SYNE2: variants seen among roughly 807,000 people sequenced by gnomAD.
SYNE2 encodes the protein spectrin repeat containing nuclear envelope protein 2.
Under a neutral mutation model 856.3 loss-of-function variants are expected in SYNE2, and 431 were observed. The observed-to-expected ratio is 0.50, with a 90% CI of 0.47 to 0.55. SYNE2 has a LOEUF of 0.55. SYNE2 is among the 20% of genes least tolerant of loss of function. The probability of loss-of-function intolerance (pLI) is 0.00; values close to 1 mark genes in which losing one functional copy is unlikely to be tolerated. For missense variants in SYNE2, 8,129 were observed against 8,023.2 expected (o/e 1.01, Z -0.50); for synonymous variants, 2,923 against 2,872.3 (o/e 1.02, Z -0.56).
At chr14:63,973,211 T>C (rs944201137) in intron 11 of SYNE2, among the ~76,000 whole-genome samples, 1 of 152,120 alleles carries the variant, frequency 6.6e-6, no homozygotes, top group Admixed American at 6.5e-5. Flanking sequence ...CCGAGATATG[T>C]ATCTAGCCTG....
intron 10 of SYNE2, among the ~76,000 whole-genome samples, chr14:63,966,432 A>C (rs1460910664): frequency 2.0e-5 from 3 of 151,808 alleles, no homozygotes; most frequent in Non-Finnish European, 4.4e-5. Flanking sequence ...CTGAGGTGGG[A>C]GGTTCACTTG....
At chr14:64,200,798 C>T (rs1452775935) in intron 99 of SYNE2, among the ~76,000 whole-genome samples, 1 of 150,562 alleles carries the variant, frequency 6.6e-6, no homozygotes, top group African/African-American at 2.5e-5. Flanking sequence ...CTCAGCTACC[C>T]AGTGAAGGAA....
intron 64 of SYNE2, among the ~76,000 whole-genome samples, chr14:64,107,261 T>A (rs1261587681): frequency 6.6e-6 from 1 of 152,244 alleles, no homozygotes; most frequent in African/African-American, 2.4e-5. Flanking sequence ...AGATTGTTTA[T>A]GTGCTCATTA....
intron 85 of SYNE2, among the ~76,000 whole-genome samples, chr14:64,154,080 C>T (rs2098266863): frequency 6.6e-6 from 1 of 151,372 alleles, no homozygotes; most frequent in African/African-American, 2.4e-5. Context: ...CCTGTAATCC[C>T]AACACTTTGG....
chr14:64,215,676 ATGGTGGCT>A, intron 107 of SYNE2: 1 of 382,870 alleles, frequency 2.6e-6, no homozygotes, highest in Non-Finnish European at 4.8e-6. Flanking sequence ...AGCTTTCTTC[ATGGTGGCT>A]TGGTTTGGAA....
intron 57 of SYNE2, among the ~76,000 whole-genome samples, chr14:64,086,633 G>GTT (rs1567251807): frequency 2.0e-5 from 3 of 150,446 alleles, no homozygotes; most frequent in Non-Finnish European, 3.0e-5. Flanking sequence ...CAGGAACATG[G>GTT]TATATCTCTT....
intron 79 of SYNE2, 108 bp from the exon 80 acceptor site, chr14:64,139,833 T>A (rs969857930): frequency 9.3e-7 from 1 of 1,080,696 alleles, no homozygotes; most frequent in African/African-American, 1.5e-5. Flanking sequence ...ATGTTAGGAC[T>A]GATCAACATA....
chr14:63,771,876 G>A (rs976194988), intron 1 of SYNE2, among the ~76,000 whole-genome samples: 5 of 147,904 alleles, frequency 3.4e-5, no homozygotes, highest in East Asian at 3.9e-4. Flanking sequence ...CAGCCTGGGC[G>A]ATAGAGTGAG....
chr14:64,131,256 T>A (rs942818985), intron 76 of SYNE2, among the ~76,000 whole-genome samples: 3 of 152,172 alleles, frequency 2.0e-5, no homozygotes, highest in Non-Finnish European at 4.4e-5. Context: ...TATGTCCTTT[T>A]CAAGGCTTAG....
intron 1 of SYNE2, among the ~76,000 whole-genome samples, chr14:63,774,178 C>G (rs1040067390): frequency 6.6e-6 from 1 of 150,730 alleles, no homozygotes; most frequent in African/African-American, 2.4e-5. Flanking sequence ...ACTAAAAATA[C>G]AAAAAATTGG....
chr14:63,823,956 T>A (rs888947924), intron 1 of SYNE2, among the ~76,000 whole-genome samples: 4 of 152,020 alleles, frequency 2.6e-5, no homozygotes, highest in Non-Finnish European at 5.9e-5. Context: ...GGTTAGTGGA[T>A]ACAAAAAAAT....
intron 18 of SYNE2, among the ~76,000 whole-genome samples, chr14:63,984,630 CAA>C (rs1337953979): frequency 1.3e-5 from 2 of 152,186 alleles, no homozygotes; most frequent in East Asian, 3.9e-4. Flanking sequence ...GGGAAAAGAA[CAA>C]AAAATAAATT....
At chr14:63,939,272 T>C (rs1294406965) in intron 2 of SYNE2, among the ~76,000 whole-genome samples, 1 of 151,592 alleles carries the variant, frequency 6.6e-6, no homozygotes, top group Non-Finnish European at 1.5e-5. Context: ...GGCCCACTCC[T>C]GCTCAGAGGG....
intron 45 of SYNE2, among the ~76,000 whole-genome samples, chr14:64,046,098 A>T (rs1040648976): frequency 4.6e-5 from 7 of 152,240 alleles, no homozygotes; most frequent in African/African-American, 1.4e-4. Flanking sequence ...GAAAATAAAA[A>T]CGAGTGCCTT....
At chr14:64,139,665 G>A (rs1327222869) in intron 79 of SYNE2, among the ~76,000 whole-genome samples, 2 of 151,676 alleles carry the variant, frequency 1.3e-5, no homozygotes, top group African/African-American at 2.4e-5. Flanking sequence ...CACCTTTTTC[G>A]GCCTCCCAAA....
chr14:63,998,662 A>G (rs1159703557), intron 26 of SYNE2, among the ~76,000 whole-genome samples: 1 of 152,136 alleles, frequency 6.6e-6, no homozygotes, highest in East Asian at 1.9e-4. Context: ...CCCAGGATCA[A>G]GTGATTCTCC....
chr14:63,873,265 CAT>C (rs1405462710), intron 1 of SYNE2, among the ~76,000 whole-genome samples: 3 of 151,424 alleles, frequency 2.0e-5, no homozygotes, highest in Non-Finnish European at 4.4e-5. Context: ...TAGATATAAA[CAT>C]ATTTCTTTAT....
chr14:64,076,758 T>G (rs2153606940), intron 54 of SYNE2, among the ~76,000 whole-genome samples: 1 of 101,628 alleles, frequency 9.8e-6, no homozygotes, highest in Admixed American at 1.0e-4. Flanking sequence ...TTTTTTTTTT[T>G]GTCTAGAATA....
intron 58 of SYNE2, 34 bp from the exon 59 acceptor site, chr14:64,089,540 T>C (rs1469426125): frequency 6.3e-7 from 1 of 1,590,022 alleles, no homozygotes; most frequent in Admixed American, 1.7e-5. Context: ...ATATACAATA[T>C]ATATTGCATC....
Sources: gnomAD v4.1 joint callset for allele counts (sites outside exome capture counted in the v4.1 genomes callset) on GRCh38, gnomAD v4.1.1 for gene constraint, MANE v1.5 for transcripts, NCBI Gene and HGNC (gene_info 2026-07-23, HGNC 2026-07-21) for gene names.